Variants in FGA observed in about 807,000 individuals in gnomAD.
The protein encoded by FGA is fibrinogen alpha chain.
In FGA, 20 loss-of-function variants were observed where a neutral mutation model predicts 20.3. The observed-to-expected ratio is 0.99, with a 90% CI of 0.69 to 1.43. FGA has a LOEUF of 1.43. Ranked by LOEUF, FGA falls within the 40% of genes most tolerant of loss-of-function variation. FGA has a pLI of 0.00. For missense variants in FGA, 777 were observed against 784.7 expected (o/e 0.99, Z 0.12); for synonymous variants, 306 against 281.6 (o/e 1.09, Z -0.87).
intron 3 of FGA, 98 bp from the exon 4 acceptor site, chr4:154,587,755 GAA>G (rs1730767508): frequency 1.6e-5 from 7 of 442,486 alleles, no homozygotes; most frequent in Non-Finnish European, 2.8e-5. Context: ...GAGAAAGAAA[GAA>G]AGAAAGAAAG....
At chr4:154,587,772 A>AAAGAAAGAAAGAAAGG in intron 3 of FGA, 115 bp from the exon 4 acceptor site, 1 of 688,560 alleles carries the variant, frequency 1.5e-6, no homozygotes, top group African/African-American at 1.9e-5. Context: ...AGAAAGAAAG[A>AAAGAAAGAAAGAAAGG]AAGAAAGAAA....
At chr4:154,584,627 T>G, downstream of FGA, 1 of 1,614,150 alleles carries the variant, frequency 6.2e-7, no homozygotes, top group Non-Finnish European at 8.5e-7. Context: ...CCCTCGTCAT[T>G]CAGGCTGCCG....
intron 2 of FGA, among the ~76,000 whole-genome samples, 162 bp downstream of exon 2, chr4:154,589,274 TA>T (rs1367193072): frequency 6.6e-6 from 1 of 152,160 alleles, no homozygotes; most frequent in Non-Finnish European, 1.5e-5. Flanking sequence ...GGGAGGTAAA[TA>T]AACAGTGCTC....
chr4:154,586,498 C>CA lies in FGA; in HGVS notation c.930dup (p.Gly311TrpfsTer43). On this transcript the variant is annotated frameshift_variant, in exon 5 of 5. Transcript: ENST00000403106. LOFTEE classifies it low-confidence loss of function (END_TRUNC). ...GCAGTCCCTCCAGTCCCAGAGCTCC[C>CA]AGGGTTTCGGTTTCCAGTACTTCCA... 1 of 1,613,902 alleles carries CA rather than the reference C, an allele frequency of 6.2e-7. No homozygotes were observed. Among genetic ancestry groups the CA allele is most frequent in the African/African-American group, 1.3e-5 (1 of 75,012 alleles).
rs1182116600 is a variant in FGA at position 154,586,686 on chromosome 4, C to T, written c.743G>A (p.Trp248Ter). Reference sequence around the variant, plus strand: ...CTGCGGCATGTCTGTTAATGCCTTCCACTCTGGGGGTACCTTCTGAAGCTG... The same window carrying T: ...CTGCGGCATGTCTGTTAATGCCTTCTACTCTGGGGGTACCTTCTGAAGCTG... ...KSQLQKVPPE[W>*]KALTDMPQMR... The change falls in exon 5 of 5, where the codon TGG becomes TAG. Residue 248 changes from tryptophan to a stop codon, truncating the protein, a stop_gained. Transcript: ENST00000403106. LOFTEE classifies it low-confidence loss of function (END_TRUNC). The T allele has an allele frequency of 6.2e-7, 1 of 1,614,216 alleles. No homozygotes were observed. The highest frequency in any genetic ancestry group is 8.5e-7 in the Non-Finnish European group (1 of 1,180,038).
Position 154,585,584 on chromosome 4 carries a change from T to C in FGA, c.1845A>G (p.Gly615=). 1 of 1,614,184 alleles carries C rather than the reference T, an allele frequency of 6.2e-7. No homozygotes were observed. The highest frequency in any genetic ancestry group is 8.5e-7 in the Non-Finnish European group (1 of 1,180,016). Reference sequence around the variant, plus strand: ...CATGGCCTCTCTTGGTGCTATGTGTTCCTTCATGATCGGCTTCACTTCCGG... The same window carrying C: ...CATGGCCTCTCTTGGTGCTATGTGTCCCTTCATGATCGGCTTCACTTCCGG... ...DEAGSEADHE[G]THSTKRGHAK... is the part of the protein sequence containing the mutation. Residue 615 remains glycine (G), a synonymous_variant, in exon 5 of 5, where the codon GGA becomes GGG. Transcript: ENST00000403106.
chr4:154,587,747 G>GA, intron 3 of FGA, 90 bp from the exon 4 acceptor site: 5 of 174,236 alleles, frequency 2.9e-5, no homozygotes, highest in Non-Finnish European at 5.9e-5. Flanking sequence ...GAAGGAAGGA[G>GA]AAAGAAAGAA....
At chr4:154,588,170 A>G (rs1730783993) in intron 3 of FGA, among the ~76,000 whole-genome samples, 1 of 152,176 alleles carries the variant, frequency 6.6e-6, no homozygotes, top group Admixed American at 6.5e-5. Flanking sequence ...GGTCAACAGG[A>G]TCACTCACTT....
downstream of FGA, chr4:154,584,089 A>AGAAGACAGATTGCTCCCATTCCCACTTC: frequency 2.9e-6 from 4 of 1,369,322 alleles, no homozygotes; most frequent in Non-Finnish European, 4.2e-6. Flanking sequence ...TCTCTAGCAA[A>AGAAGACAGATTGCTCCCATTCCCACTTC]GAAGACAGAG....
Position 154,585,275 on chromosome 4 carries a change from T to C in FGA, c.*219A>G. The stretch of plus-strand genomic sequence containing the variant: ...AAGCTCAAATAGAGTTTCAGAGGAA[T>C]TCATTCATCCATTTAACATGTATTT... On this transcript the variant is annotated 3_prime_UTR_variant, in exon 5 of 5. Coordinates refer to ENST00000403106, the MANE Select transcript of FGA (RefSeq NM_021871.4). 1 of 1,352,036 alleles carries C rather than the reference T, an allele frequency of 7.4e-7. No individual in the cohort carries two copies. The highest frequency in any genetic ancestry group is 1.7e-5 in the South Asian group (1 of 60,280). 83.8% of individuals were successfully genotyped at this position (1,352,036 alleles called of 1,614,324 possible).
At position 154,585,619 on chromosome 4, in the gene FGA, C is replaced by T. The variant is rs1490209889; in HGVS notation, c.1810G>A (p.Ala604Thr). ...STFESKSYKM[A>T]DEAGSEADHE... is the part of the protein sequence containing the mutation. ...TCGGCTTCACTTCCGGCCTCATCTG[C>T]CATTTTATAGCTCTTGCTTTCAAAT... The change falls in exon 5 of 5, where the codon GCA becomes ACA. Residue 604 changes from alanine (A) to threonine (T), a missense_variant. Ala to Thr is a moderately conservative substitution (Grantham distance 58). Transcript: ENST00000403106. 1.9e-6 allele frequency: 3 copies of T among 1,614,160 alleles called. No homozygotes were observed. The highest frequency in any genetic ancestry group is 2.2e-5 in the South Asian group (2 of 91,082).
intron 4 of FGA, 91 bp downstream of exon 4, chr4:154,587,420 CT>C: frequency 1.7e-6 from 2 of 1,175,754 alleles, no homozygotes; most frequent in South Asian, 2.5e-5. Flanking sequence ...ACACTTTTCT[CT>C]GCATATAGTA....
In FGA at chr4:154,588,918, T is replaced by C. The variant is rs747854049; in HGVS notation, c.239A>G (p.Asp80Gly). The C allele has an allele frequency of 6.2e-7, 1 of 1,613,618 alleles. No individual in the cohort carries two copies. The highest frequency in any genetic ancestry group is 1.1e-5 in the South Asian group (1 of 91,048). ...MKGLIDEVNQ[D>G]FTNRINKLKN... ...GAGCTTATTTATTCTGTTTGTAAAA[T>C]CTTGATTGACTTCATCAATCAACCC... The change falls in exon 3 of 5, where the codon GAT becomes GGT. Residue 80 changes from aspartate (D) to glycine (G), a missense_variant. Asp to Gly is a moderately conservative substitution (Grantham distance 94). Coordinates refer to ENST00000403106, the MANE Select transcript of FGA (RefSeq NM_021871.4).
rs756004130 is a variant in FGA, at chr4:154,586,484, A to G, written c.945T>C (p.Thr315=). Residue 315 remains threonine, a synonymous_variant, in exon 5 of 5, where the codon ACT becomes ACC. Transcript: ENST00000403106. ...TGNRNPGSSG[T]GGTATWKPGS... is the part of the protein sequence containing the mutation. ...CAGGTTTCCAGGTTGCAGTCCCTCC[A>G]GTCCCAGAGCTCCCAGGGTTTCGGT... The G allele has an allele frequency of 1.9e-6, 3 of 1,613,794 alleles. No homozygotes were observed. Among genetic ancestry groups the G allele is most frequent in the African/African-American group, 2.7e-5 (2 of 74,890 alleles).
At chr4:154,587,955 T>C (rs1241148080) in intron 3 of FGA, among the ~76,000 whole-genome samples, 3 of 152,208 alleles carry the variant, frequency 2.0e-5, no homozygotes. Flanking sequence ...GATGTCCTAA[T>C]AGCAATTAGT....
chr4:154,587,030 G>T, intron 4 of FGA, 112 bp from the exon 5 acceptor site: 1 of 1,026,598 alleles, frequency 9.7e-7, no homozygotes, highest in Non-Finnish European at 1.5e-6. Context: ...CATTTTTTTT[G>T]ACTCGGAGAC....
At chr4:154,589,660 A>T (rs572004182) in intron 1 of FGA, 98 bp from the exon 2 acceptor site, 3 of 1,332,340 alleles carry the variant, frequency 2.3e-6, no homozygotes, top group Non-Finnish European at 3.2e-6. Context: ...AAGAGATGGC[A>T]CTCTCACAGA....
At chr4:154,589,368 C>G (rs537595492) in intron 2 of FGA, 69 bp downstream of exon 2, 1 of 1,590,590 alleles carries the variant, frequency 6.3e-7, no homozygotes, top group East Asian at 2.2e-5. Flanking sequence ...TGGGACCAAT[C>G]AGGTCAGCCT....
Position 154,585,510 on chromosome 4 carries a change from G to A in FGA, c.1919C>T (p.Pro640Leu). The A allele has an allele frequency of 6.3e-7, 1 of 1,594,664 alleles. No homozygotes were observed. The highest frequency in any genetic ancestry group is 1.1e-5 in the South Asian group (1 of 90,662). Residue 640 changes from proline (P) to leucine (L), a missense_variant, in exon 5 of 5, where the codon CCT (proline) becomes CTT (leucine). Physicochemically the swap from Pro to Leu is moderately conservative, Grantham distance 98. Transcript: ENST00000403106. ...TAACTTAGTCTAGGGGGACAGGGAA[G>A]GCTTCCCCAAAGGAGAAGTGTGGAT... is the stretch of plus-strand genomic sequence containing the variant. ...RGIHTSPLGKPSLSP is the reference protein window; with the variant it reads ...RGIHTSPLGKLSLSP
Sources: gnomAD v4.1 joint callset for allele counts (sites outside exome capture counted in the v4.1 genomes callset) on GRCh38, gnomAD v4.1.1 for gene constraint, MANE v1.5 for transcripts, NCBI Gene and HGNC (gene_info 2026-07-23, HGNC 2026-07-21) for gene names.